The following IL1RAPL2 variants were observed in gnomAD, a reference collection of about 807,000 sequenced individuals.
The protein encoded by IL1RAPL2 is X-linked interleukin-1 receptor accessory protein-like 2.
A neutral mutation model predicts 44.1 loss-of-function variants in IL1RAPL2; 3 were observed. That is an observed-to-expected ratio of 0.07 (90% confidence interval 0.03 to 0.18). The LOEUF (loss-of-function observed/expected upper bound fraction) is 0.18. Ranked by LOEUF, IL1RAPL2 falls within the 10% of genes least tolerant of loss-of-function variation. IL1RAPL2 has a pLI of 1.00. For missense variants in IL1RAPL2, 391 were observed against 496.4 expected (o/e 0.79, Z 2.02); for synonymous variants, 181 against 178.8 (o/e 1.01, Z -0.10).
Position 104,973,745 on chromosome X carries a change from A to C in IL1RAPL2, c.83-221730A>C, listed in dbSNP as rs1029388612. Among the ~76,000 whole-genome samples, 3 of 111,939 alleles carry C rather than the reference A, an allele frequency of 2.7e-5. No individual in the cohort carries two copies. In the East Asian group the frequency reaches 8.4e-4, roughly 31 times the overall value. On this transcript the variant is annotated intron_variant, in intron 2 of 10. Transcript: ENST00000372582. ...AATTCCCTTTCGTGAACCTTATCAT[A>C]ATTTACACAGATCATCTATAACATG...
At chrX:105,250,789 G>A (rs73517467) in intron 4 of IL1RAPL2, among the ~76,000 whole-genome samples, 16,187 of 110,162 alleles carry the variant, frequency 0.15, 2,280 homozygotes, top group African/African-American at 0.44. Flanking sequence ...TTGGAAAAAA[G>A]CATTCATGAG....
At chrX:105,111,143 G>A (rs971050055) in intron 2 of IL1RAPL2, among the ~76,000 whole-genome samples, 6 of 110,199 alleles carry the variant, frequency 5.4e-5, no homozygotes, top group Admixed American at 3.9e-4. Context: ...GGTGGCTCCC[G>A]CCTGTAATAC....
intron 5 of IL1RAPL2, among the ~76,000 whole-genome samples, chrX:105,305,790 G>A (rs748363663): frequency 9.0e-6 from 1 of 111,639 alleles, no homozygotes. Flanking sequence ...TTTTATAAGA[G>A]CTTAGGATAC....
chrX:104,667,033 A>T, intron 2 of IL1RAPL2, among the ~76,000 whole-genome samples: 1 of 111,248 alleles, frequency 9.0e-6, no homozygotes, highest in East Asian at 2.8e-4. Flanking sequence ...TTTGACATTC[A>T]ATGACCTTCC....
At chrX:105,071,808 G>T (rs993523580) in intron 2 of IL1RAPL2, among the ~76,000 whole-genome samples, 2 of 111,752 alleles carry the variant, frequency 1.8e-5, no homozygotes, top group Admixed American at 1.9e-4. Flanking sequence ...TAGGAAAACT[G>T]GATATCCACA....
chrX:104,829,137 C>T (rs868352892), intron 2 of IL1RAPL2, among the ~76,000 whole-genome samples: 5 of 111,335 alleles, frequency 4.5e-5, no homozygotes, highest in Non-Finnish European at 7.6e-5. Context: ...GGGGAGTGAA[C>T]GTTTCTGTCT....
chrX:105,569,192 C>T (rs2147809813), intron 6 of IL1RAPL2, among the ~76,000 whole-genome samples: 1 of 111,334 alleles, frequency 9.0e-6, no homozygotes, highest in Non-Finnish European at 1.9e-5. Context: ...TAAACCATTA[C>T]CTTTTATTTA....
intron 2 of IL1RAPL2, among the ~76,000 whole-genome samples, chrX:105,172,477 G>A (rs1310895926): frequency 9.0e-6 from 1 of 111,731 alleles, no homozygotes; most frequent in Non-Finnish European, 1.9e-5. Context: ...CATTCAAGTT[G>A]TTGGTAGAAT....
intron 2 of IL1RAPL2, among the ~76,000 whole-genome samples, chrX:105,034,930 C>T (rs1191764099): frequency 4.2e-4 from 1 of 2,367 alleles, no homozygotes; most frequent in Non-Finnish European, 7.3e-4. Context: ...CCTAATCAAG[C>T]CTGGGCAATG....
intron 2 of IL1RAPL2, among the ~76,000 whole-genome samples, chrX:104,747,537 G>A (rs1279046662): frequency 1.8e-5 from 2 of 111,253 alleles, no homozygotes; most frequent in Non-Finnish European, 3.8e-5. Context: ...AAAGAATATG[G>A]TTCGAGGAGA....
At chrX:104,993,411 T>C (rs1049133878) in intron 2 of IL1RAPL2, among the ~76,000 whole-genome samples, 1 of 111,933 alleles carries the variant, frequency 8.9e-6, no homozygotes, top group Admixed American at 9.5e-5. Context: ...ACAATGTTGC[T>C]GAAGACAAAG....
At chrX:104,855,277 G>A (rs1454516464) in intron 2 of IL1RAPL2, among the ~76,000 whole-genome samples, 1 of 111,597 alleles carries the variant, frequency 9.0e-6, no homozygotes, top group African/African-American at 3.3e-5. Flanking sequence ...CGATAGATGA[G>A]GCAGCAAAGT....
intron 1 of IL1RAPL2, among the ~76,000 whole-genome samples, chrX:104,651,220 A>G (rs951580113): frequency 2.7e-5 from 3 of 112,163 alleles, no homozygotes; most frequent in Non-Finnish European, 5.6e-5. Context: ...TAGCATATGA[A>G]ATAATTCTGT....
chrX:105,313,547 GA>G (rs2085553031), intron 5 of IL1RAPL2, among the ~76,000 whole-genome samples: 1 of 111,396 alleles, frequency 9.0e-6, no homozygotes, highest in South Asian at 3.7e-4. Context: ...AGCTCCTAAA[GA>G]GATGCATCTC....
At chrX:105,152,460 G>C (rs1602980787) in intron 2 of IL1RAPL2, among the ~76,000 whole-genome samples, 2 of 111,981 alleles carry the variant, frequency 1.8e-5, no homozygotes, top group East Asian at 5.6e-4. Flanking sequence ...CAAATTAATT[G>C]AGACATTTTA....
In IL1RAPL2 at chrX:105,542,739, A is replaced by AT. The variant is rs1009733174; in HGVS notation, c.772+58364dup. Among the ~76,000 whole-genome samples the AT allele has an allele frequency of 1.4e-3, 118 of 84,111 alleles. 1 individual carries two copies. Among genetic ancestry groups the AT allele is most frequent in the African/African-American group, 2.9e-3 (60 of 20,976 alleles). 73.0% of individuals were successfully genotyped at this position (84,111 alleles called of 115,157 possible). ...TATTTATTTATTTATTTAATTTATTATTTTTTTTTTTTGAGACGGAGTCTC... is the reference window on the plus strand; with the variant it reads ...TATTTATTTATTTATTTAATTTATTATTTTTTTTTTTTTGAGACGGAGTCTC... On this transcript the variant is annotated intron_variant, in intron 6 of 10. Coordinates refer to ENST00000372582, the MANE Select transcript of IL1RAPL2 (RefSeq NM_017416.2).
At chrX:105,513,137 A>G (rs1328466296) in intron 6 of IL1RAPL2, among the ~76,000 whole-genome samples, 1 of 111,491 alleles carries the variant, frequency 9.0e-6, no homozygotes, top group Non-Finnish European at 1.9e-5. Context: ...CATGGTGTAT[A>G]TGTGCCACAT....
At chrX:105,161,988 C>A (rs2033329132) in intron 2 of IL1RAPL2, among the ~76,000 whole-genome samples, 1 of 111,846 alleles carries the variant, frequency 8.9e-6, no homozygotes. Flanking sequence ...GATTGGAATA[C>A]ATTTTCTTAG....
chrX:105,489,787 T>TTCTCTCTCTCTCTCTCTCTCTC (rs36081932), intron 6 of IL1RAPL2, among the ~76,000 whole-genome samples: 7 of 73,365 alleles, frequency 9.5e-5, no homozygotes, highest in East Asian at 4.4e-4. Flanking sequence ...CTTTCTCTCT[T>TTCTCTCTCTCTCTCTCTCTCTC]TCTCTCTCTC....
Sources: allele counts gnomAD v4.1 joint callset (sites outside exome capture counted in the v4.1 genomes callset), GRCh38; gene constraint gnomAD v4.1.1; transcripts MANE v1.5; gene names NCBI Gene and HGNC (gene_info 2026-07-23, HGNC 2026-07-21).